Variants in ARHGAP26 observed in about 807,000 individuals in gnomAD.
ARHGAP26 encodes the protein Rho GTPase activating protein 26, also known as rho GTPase-activating protein 26.
Under a neutral mutation model 104.8 loss-of-function variants are expected in ARHGAP26, and 38 were observed. The ratio of observed to expected loss-of-function variants is 0.36; its 90% CI spans 0.28 to 0.48. ARHGAP26 has a LOEUF of 0.48. ARHGAP26 is among the 20% of genes least tolerant of loss of function. The pLI is 0.99. For synonymous variants in ARHGAP26, 341 were observed against 340.0 expected (o/e 1.00, Z -0.03); for missense variants, 704 against 947.9 (o/e 0.74, Z 3.38).
chr5:143,033,912 C>T (rs1169327410), intron 12 of ARHGAP26, among the ~76,000 whole-genome samples: 1 of 152,178 alleles, frequency 6.6e-6, no homozygotes, highest in Non-Finnish European at 1.5e-5. Flanking sequence ...TAGCACAAAA[C>T]GTAATTCCCC....
intron 1 of ARHGAP26, among the ~76,000 whole-genome samples, chr5:142,857,857 A>G (rs946072080): frequency 5.3e-5 from 8 of 152,108 alleles, no homozygotes; most frequent in African/African-American, 1.9e-4. Flanking sequence ...TTTCTGTAAC[A>G]GTGGTTTTTA....
intron 1 of ARHGAP26, among the ~76,000 whole-genome samples, chr5:142,808,960 C>T (rs1597716039): frequency 1.3e-5 from 2 of 152,226 alleles, no homozygotes; most frequent in African/African-American, 4.8e-5. Context: ...TTCTAATACT[C>T]TGGCACCTTG....
At chr5:143,012,557 AT>A (rs1161325071) in intron 11 of ARHGAP26, among the ~76,000 whole-genome samples, 1 of 69,496 alleles carries the variant, frequency 1.4e-5, no homozygotes, top group African/African-American at 4.1e-5. Flanking sequence ...ACATACATAT[AT>A]ATATATATAT....
rs114607566 is a variant in ARHGAP26 at position 143,053,252 on chromosome 5, A to T, written c.1286-1187A>T. Among the ~76,000 whole-genome samples the T allele has an allele frequency of 8.0e-3, 1,213 of 152,274 alleles. 14 individuals carry two copies. The highest frequency in any genetic ancestry group is 0.027 in the African/African-American group (1,142 of 41,548). ...TCCCTCATCCAGGCACTGAGTCCAG[A>T]GAGTTGATATACTTTTGGCCAGTCT... On this transcript the variant is annotated intron_variant, in intron 14 of 22. Transcript: ENST00000645722.
At chr5:142,874,977 C>G (rs1755874901) in intron 2 of ARHGAP26, 133 bp from the exon 3 acceptor site, 13 of 705,240 alleles carry the variant, frequency 1.8e-5, no homozygotes, top group Non-Finnish European at 3.0e-5. Flanking sequence ...TGAAGGGAGC[C>G]TTGGGAAGCA....
At chr5:142,928,023 G>T (rs752703452) in intron 10 of ARHGAP26, among the ~76,000 whole-genome samples, 1 of 152,044 alleles carries the variant, frequency 6.6e-6, no homozygotes, top group Non-Finnish European at 1.5e-5. Flanking sequence ...TTACTCACTT[G>T]TAGGCATTCT....
chr5:143,094,162 G>T (rs1179119358), intron 17 of ARHGAP26, among the ~76,000 whole-genome samples: 1 of 152,190 alleles, frequency 6.6e-6, no homozygotes, highest in African/African-American at 2.4e-5. Context: ...TACCGCCCCT[G>T]CGGTTTCTTT....
chr5:142,777,055 G>T (rs1339845087), intron 1 of ARHGAP26, among the ~76,000 whole-genome samples: 1 of 152,272 alleles, frequency 6.6e-6, no homozygotes, highest in African/African-American at 2.4e-5. Context: ...TTGGCCATTG[G>T]TGCGTCATCT....
intron 1 of ARHGAP26, among the ~76,000 whole-genome samples, chr5:142,777,596 T>C (rs985216617): frequency 6.6e-6 from 1 of 152,212 alleles, no homozygotes; most frequent in Non-Finnish European, 1.5e-5. Context: ...CCCTTCTGTT[T>C]CAAATTATAT....
intron 20 of ARHGAP26, among the ~76,000 whole-genome samples, chr5:143,199,714 G>A (rs1807414206): frequency 6.6e-6 from 1 of 152,156 alleles, no homozygotes; most frequent in South Asian, 2.1e-4. Flanking sequence ...CATATCACTG[G>A]GGACCTGGAC....
intron 17 of ARHGAP26, among the ~76,000 whole-genome samples, chr5:143,092,855 C>A (rs1791662187): frequency 1.3e-5 from 2 of 151,958 alleles, no homozygotes; most frequent in South Asian, 4.1e-4. Context: ...TCTGAGCAGA[C>A]CAATTATTAG....
At chr5:142,844,690 C>A (rs1017807301) in intron 1 of ARHGAP26, among the ~76,000 whole-genome samples, 25 of 151,546 alleles carry the variant, frequency 1.6e-4, no homozygotes, top group Admixed American at 3.3e-4. Context: ...ATGATGACAT[C>A]CTGTCAATAT....
chr5:143,132,031 A>G (rs1381921589), intron 18 of ARHGAP26, among the ~76,000 whole-genome samples: 1 of 151,968 alleles, frequency 6.6e-6, no homozygotes, highest in African/African-American at 2.4e-5. Context: ...TCTTGCTTTT[A>G]CTTGGTTTCC....
intron 20 of ARHGAP26, among the ~76,000 whole-genome samples, chr5:143,150,398 A>G (rs199938617): frequency 1.3e-5 from 2 of 152,368 alleles, no homozygotes; most frequent in East Asian, 3.9e-4. Context: ...TAATGTGTTC[A>G]GAGTTCAACC....
intron 11 of ARHGAP26, among the ~76,000 whole-genome samples, chr5:142,949,180 A>AG (rs1413463931): frequency 2.7e-4 from 2 of 7,526 alleles, no homozygotes; most frequent in Non-Finnish European, 2.2e-4. Context: ...AGAGAGAGAG[A>AG]GAGAGAGAGA....
At position 143,071,757 on chromosome 5, in the gene ARHGAP26, A is replaced by G. The variant is rs181216469; in HGVS notation, c.1538+14010A>G. On this transcript the variant is annotated intron_variant, in intron 17 of 22. Coordinates refer to ENST00000645722, the MANE Select transcript of ARHGAP26 (RefSeq NM_001135608.3). ...ACCCCATCTCTACTACAAAAAAATTAGCCAGGCGTGGTGGCATGCGCCTGT... is the reference window on the plus strand; with the variant it reads ...ACCCCATCTCTACTACAAAAAAATTGGCCAGGCGTGGTGGCATGCGCCTGT... 2.2e-3 allele frequency among the ~76,000 whole-genome samples: 333 copies of G among 151,850 alleles called. 2 individuals carry two copies. The highest frequency in any genetic ancestry group is 0.01 in the Middle Eastern group (3 of 294).
chr5:143,117,365 A>G (rs1795600711), intron 17 of ARHGAP26, among the ~76,000 whole-genome samples: 1 of 152,202 alleles, frequency 6.6e-6, no homozygotes, highest in African/African-American at 2.4e-5. Context: ...GCAGAGGCTG[A>G]CGTCTAGGCC....
At chr5:142,851,314 C>A (rs1387237655) in intron 1 of ARHGAP26, among the ~76,000 whole-genome samples, 1 of 152,132 alleles carries the variant, frequency 6.6e-6, no homozygotes, top group Non-Finnish European at 1.5e-5. Flanking sequence ...CCAGGCTGGT[C>A]TTGAACTCCT....
chr5:143,008,436 A>G (rs1458762578), intron 11 of ARHGAP26, among the ~76,000 whole-genome samples: 1 of 152,244 alleles, frequency 6.6e-6, no homozygotes, highest in African/African-American at 2.4e-5. Context: ...TCGATGGTGT[A>G]GAACCAGCCT....
Sources: gnomAD v4.1 joint callset for allele counts (sites outside exome capture counted in the v4.1 genomes callset) on GRCh38, gnomAD v4.1.1 for gene constraint, MANE v1.5 for transcripts, NCBI Gene and HGNC (gene_info 2026-07-23, HGNC 2026-07-21) for gene names.